PLA2G2D: variants seen among roughly 807,000 people sequenced by gnomAD.
The protein encoded by PLA2G2D is group IID secretory phospholipase A2.
Under a neutral mutation model 13.9 loss-of-function variants are expected in PLA2G2D, and 17 were observed. The ratio of observed to expected loss-of-function variants is 1.23; its 90% CI spans 0.84 to 1.84. The LOEUF (loss-of-function observed/expected upper bound fraction) is 1.84. Ranked by LOEUF, PLA2G2D falls within the 40% of genes most tolerant of loss-of-function variation. The pLI is 0.00. For missense variants in PLA2G2D, 194 were observed against 178.7 expected, an observed-to-expected ratio of 1.09 and a Z score of -0.49; for synonymous variants, 83 against 69.3, an observed-to-expected ratio of 1.20 and a Z score of -0.98.
chr1:20,117,052 A>G (rs2017004445), intron 1 of PLA2G2D, among the ~76,000 whole-genome samples: 1 of 152,166 alleles, frequency 6.6e-6, no homozygotes, highest in East Asian at 1.9e-4. Flanking sequence ...TTACTGTCAT[A>G]TTAAATAAAT....
chr1:20,119,170 G>C (rs545194319), intron 1 of PLA2G2D, among the ~76,000 whole-genome samples: 5 of 152,162 alleles, frequency 3.3e-5, no homozygotes, highest in African/African-American at 9.7e-5. Flanking sequence ...TGTCCAAAGC[G>C]TCATCATCAT....
Position 20,116,491 on chromosome 1 carries a change from C to A in PLA2G2D, c.41-14G>T. On this transcript the variant is annotated splice_polypyrimidine_tract_variant and intron_variant, in intron 1 of 3. Transcript: ENST00000375105. ...TTGGAATCACACCTGCCAAGCAGCCCAGCAACCAGGAGAGAAGAGGAGATG... is the reference window on the plus strand; with the variant it reads ...TTGGAATCACACCTGCCAAGCAGCCAAGCAACCAGGAGAGAAGAGGAGATG... 6.2e-7 allele frequency: 1 copy of A among 1,614,076 alleles called. No individual in the cohort carries two copies. The highest frequency in any genetic ancestry group is 2.2e-5 in the East Asian group (1 of 44,860).
At position 20,114,117 on chromosome 1, in the gene PLA2G2D, G is replaced by A. The variant is rs142358589; in HGVS notation, c.435C>T (p.Cys145=). The A allele has an allele frequency of 2.5e-6, 4 of 1,612,522 alleles. No individual in the cohort carries two copies. The highest frequency in any genetic ancestry group is 2.5e-6 in the Non-Finnish European group (3 of 1,179,738). ...ACAGGGTAGAGGGTGTGGGCTTCTA[G>A]CACCCAGGGGTCTGCCCCCGGCAGT... ...RPHCRGQTPG[C] Residue 145 remains cysteine (C), a synonymous_variant, in exon 4 of 4, where the codon TGC becomes TGT. Coordinates refer to ENST00000375105, the MANE Select transcript of PLA2G2D (RefSeq NM_012400.4).
chr1:20,115,447 T>C, intron 3 of PLA2G2D, 60 bp downstream of exon 3: 1 of 949,476 alleles, frequency 1.1e-6, no homozygotes, highest in Non-Finnish European at 1.7e-6. Flanking sequence ...GTGAAGGCAG[T>C]GGGGGCCAGA....
At chr1:20,115,119 T>C (rs1290816137) in intron 3 of PLA2G2D, among the ~76,000 whole-genome samples, 2 of 152,158 alleles carry the variant, frequency 1.3e-5, no homozygotes, top group Non-Finnish European at 2.9e-5. Flanking sequence ...GCATCAGTGA[T>C]GATGAAAGTA....
At chr1:20,118,197 C>T (rs1053198031) in intron 1 of PLA2G2D, among the ~76,000 whole-genome samples, 4 of 152,146 alleles carry the variant, frequency 2.6e-5, no homozygotes, top group Non-Finnish European at 5.9e-5. Flanking sequence ...TCTTAGGGTA[C>T]CCCGGTCCTC....
intron 1 of PLA2G2D, 143 bp from the exon 2 acceptor site, chr1:20,116,620 C>G: frequency 1.4e-6 from 1 of 705,062 alleles, no homozygotes; most frequent in Non-Finnish European, 2.4e-6. Context: ...TCTACTACTG[C>G]TATTAAAAAT....
In PLA2G2D at chr1:20,116,859, C is replaced by T. The variant is rs1324461603; in HGVS notation, c.41-382G>A. Among the ~76,000 whole-genome samples the T allele has an allele frequency of 3.3e-5, 5 of 152,062 alleles. No individual in the cohort carries two copies. The East Asian group carries it at 5.8e-4, about 18-fold the overall frequency. On this transcript the variant is annotated intron_variant, in intron 1 of 3. Coordinates refer to ENST00000375105, the MANE Select transcript of PLA2G2D (RefSeq NM_012400.4). ...ACTGGGCGTGGTGGTGGACACCTGTCGTCCCAGCTACTTGGGAGGCTGAGG... is the reference window on the plus strand; with the variant it reads ...ACTGGGCGTGGTGGTGGACACCTGTTGTCCCAGCTACTTGGGAGGCTGAGG...
Position 20,116,326 on chromosome 1 carries a change from G to C in PLA2G2D, c.185+7C>G, listed in dbSNP as rs778855935. ...TATAGGATTGCCAGCCCTGAGAAAGGAGTTACCAGTCCGTGGCATCTTTGG... is the reference window on the plus strand; with the variant it reads ...TATAGGATTGCCAGCCCTGAGAAAGCAGTTACCAGTCCGTGGCATCTTTGG... On this transcript the variant is annotated splice_region_variant and intron_variant, in intron 2 of 3. Transcript: ENST00000375105. The C allele has an allele frequency of 3.1e-6, 5 of 1,613,998 alleles. No individual in the cohort carries two copies. The East Asian group carries it at 1.1e-4, about 36-fold the overall frequency.
At chr1:20,116,723 G>T (rs966359140) in intron 1 of PLA2G2D, among the ~76,000 whole-genome samples, 1 of 152,130 alleles carries the variant, frequency 6.6e-6, no homozygotes, top group Non-Finnish European at 1.5e-5. Context: ...GAATGCAGTG[G>T]CATGATCTCG....
At chr1:20,118,597 C>T (rs1209417812) in intron 1 of PLA2G2D, among the ~76,000 whole-genome samples, 1 of 152,232 alleles carries the variant, frequency 6.6e-6, no homozygotes, top group Non-Finnish European at 1.5e-5. Context: ...TTACTCAACA[C>T]TTAGTGTCTG....
At position 20,115,413 on chromosome 1, in the gene PLA2G2D, A is replaced by C. The variant is rs1336590918; in HGVS notation, c.292+94T>G. The C allele has an allele frequency of 2.2e-5, 17 of 780,316 alleles. No homozygotes were observed. The Middle Eastern group carries it at 9.3e-4, about 43-fold the overall frequency. The allele number at this position is 780,316 out of a possible 1,614,324, so 48.3% of individuals were successfully genotyped here. On this transcript the variant is annotated intron_variant, in intron 3 of 3. Transcript: ENST00000375105. Reference sequence around the variant, plus strand: ...GCCAGTGGACCCATGCAAAAAAAAAACAGAGAGGTCAAGTAGCTGTGCTGT... The same window carrying C: ...GCCAGTGGACCCATGCAAAAAAAAACCAGAGAGGTCAAGTAGCTGTGCTGT...
chr1:20,114,167 G>A lies in PLA2G2D; in HGVS notation c.385C>T (p.Arg129Ter), dbSNP rs768812104. Reference sequence around the variant, plus strand: ...TGGGGCCGCCAGTAGAAACGCAGTCGCTTCTGGTAGGTGTCCAGGTTGCGC... The same window carrying A: ...TGGGGCCGCCAGTAGAAACGCAGTCACTTCTGGTAGGTGTCCAGGTTGCGC... ...LKRNLDTYQK[R>*]LRFYWRPHCR... Residue 129 changes from arginine (R) to a stop codon, truncating the protein, a stop_gained, in exon 4 of 4, where the codon CGA becomes TGA. Transcript: ENST00000375105. LOFTEE classifies it low-confidence loss of function (END_TRUNC). 8.6e-5 allele frequency: 138 copies of A among 1,613,866 alleles called. 2 individuals are homozygous for A. The highest frequency in any genetic ancestry group is 4.7e-4 in the South Asian group (43 of 91,082).
chr1:20,115,647 C>G, intron 2 of PLA2G2D, 34 bp from the exon 3 acceptor site: 1 of 1,361,830 alleles, frequency 7.3e-7, no homozygotes, highest in African/African-American at 1.4e-5. Flanking sequence ...TGCATGGGTC[C>G]CCAGCCTACT....
rs41264131 is a variant in PLA2G2D at position 20,113,758 on chromosome 1, G to A, written c.*356C>T. On this transcript the variant is annotated 3_prime_UTR_variant, in exon 4 of 4. Transcript: ENST00000375105. ...TATTGCCCTTTATAGTGGCTGCTGCGGTTGTAGCTCCGAGACTATATTGGA... is the reference window on the plus strand; with the variant it reads ...TATTGCCCTTTATAGTGGCTGCTGCAGTTGTAGCTCCGAGACTATATTGGA... The A allele has an allele frequency of 0.028, 6,341 of 225,206 alleles. 133 individuals are homozygous for A. Among genetic ancestry groups the A allele is most frequent in the Middle Eastern group, 0.067 (43 of 638 alleles). The allele number at this position is 225,206 out of a possible 1,614,324, so 14.0% of individuals were successfully genotyped here.
At position 20,116,337 on chromosome 1, in the gene PLA2G2D, C is replaced by A. The variant is rs2016989236; in HGVS notation, c.181G>T (p.Asp61Tyr). 3.1e-6 allele frequency: 5 copies of A among 1,614,050 alleles called. No homozygotes were observed. Among genetic ancestry groups the A allele is most frequent in the Non-Finnish European group, 4.2e-6 (5 of 1,179,984 alleles). ...GGRGQPKDAT[D>Y]WCCQTHDCCY... is the part of the protein sequence containing the mutation. Reference sequence around the variant, plus strand: ...CAGCCCTGAGAAAGGAGTTACCAGTCCGTGGCATCTTTGGGTTGGCCTCTG... The same window carrying A: ...CAGCCCTGAGAAAGGAGTTACCAGTACGTGGCATCTTTGGGTTGGCCTCTG... The change falls in exon 2 of 4, where the codon GAC becomes TAC. Residue 61 changes from aspartate to tyrosine, a missense_variant. Transcript: ENST00000375105.
intron 1 of PLA2G2D, among the ~76,000 whole-genome samples, chr1:20,118,994 G>T (rs1308353694): frequency 6.6e-6 from 1 of 152,212 alleles, no homozygotes; most frequent in Non-Finnish European, 1.5e-5. Flanking sequence ...TATTTGGTCT[G>T]CTTAAGATCA....
At chr1:20,114,391 T>C (rs2016942209) in intron 3 of PLA2G2D, 132 bp from the exon 4 acceptor site, 2 of 882,816 alleles carry the variant, frequency 2.3e-6, no homozygotes, top group East Asian at 2.7e-5. Flanking sequence ...ACCTCGATTC[T>C]AGCTGCATGA....
intron 3 of PLA2G2D, 34 bp from the exon 4 acceptor site, chr1:20,114,293 C>CCCAG: frequency 6.3e-7 from 1 of 1,597,754 alleles, no homozygotes; most frequent in Non-Finnish European, 8.5e-7. Context: ...ATGTGTTTGT[C>CCCAG]CTTTTCCGAG....
Sources: gnomAD v4.1 joint callset for allele counts (sites outside exome capture counted in the v4.1 genomes callset) on GRCh38, gnomAD v4.1.1 for gene constraint, MANE v1.5 for transcripts, NCBI Gene and HGNC (gene_info 2026-07-23, HGNC 2026-07-21) for gene names.